LRP1B: variants seen among roughly 807,000 people sequenced by gnomAD.
LRP1B encodes the protein LDL receptor related protein 1B, also known as low-density lipoprotein receptor-related protein 1B.
LRP1B carries 217 observed loss-of-function variants against 556.6 expected under a neutral mutation model. The ratio of observed to expected loss-of-function variants is 0.39; its 90% confidence interval spans 0.35 to 0.44. The LOEUF is 0.44. Among genes scored for constraint, LRP1B ranks in the 20% least tolerant of loss-of-function variants. The pLI is 1.00. For synonymous variants in LRP1B, 2,047 were observed against 1,865.8 expected, an observed-to-expected ratio of 1.10 and a Z score of -2.50; for missense variants, 5,053 against 5,620.8, an observed-to-expected ratio of 0.90 and a Z score of 3.23.
chr2:140,581,430 C>T (rs930045918), intron 43 of LRP1B, among the ~76,000 whole-genome samples: 1 of 152,192 alleles, frequency 6.6e-6, no homozygotes, highest in South Asian at 2.1e-4. Flanking sequence ...TATTGCTTCC[C>T]GGGATCGCAT....
intron 3 of LRP1B, among the ~76,000 whole-genome samples, chr2:141,278,548 G>A (rs1330333471): frequency 6.6e-6 from 1 of 152,170 alleles, no homozygotes; most frequent in African/African-American, 2.4e-5. Flanking sequence ...AATTTCCTAA[G>A]GCTATAATCC....
intron 2 of LRP1B, among the ~76,000 whole-genome samples, chr2:141,572,377 A>G (rs1574091811): frequency 6.6e-6 from 1 of 152,264 alleles, no homozygotes; most frequent in Non-Finnish European, 1.5e-5. Flanking sequence ...GACAAACAAA[A>G]GCTGAGGGAT....
rs35791983 is a variant in LRP1B at position 140,858,501 on chromosome 2, G to GGAGAGAGAGAGA, written c.4580-6730_4580-6719dup. Among the ~76,000 whole-genome samples, 691 of 139,910 alleles carry GGAGAGAGAGAGA rather than the reference G, an allele frequency of 4.9e-3. 2 individuals are homozygous for GGAGAGAGAGAGA. Among genetic ancestry groups the GGAGAGAGAGAGA allele is most frequent in the East Asian group, 8.5e-3 (41 of 4,842 alleles). The allele number at this position is 139,910 out of a possible 152,430, so 91.8% of individuals were successfully genotyped here. On this transcript the variant is annotated intron_variant, in intron 27 of 90. Transcript: ENST00000389484. ...TATATAATATATATTTTATATATATGGAGAGAGAGAGAGAGAGAGAGAGAG... is the reference window on the plus strand; with the variant it reads ...TATATAATATATATTTTATATATATGGAGAGAGAGAGAGAGAGAGAGAGAGAGAGAGAGAGAG...
intron 14 of LRP1B, 47 bp downstream of exon 14, chr2:141,013,509 A>G (rs1697814798): frequency 1.4e-6 from 2 of 1,420,016 alleles, no homozygotes; most frequent in Admixed American, 2.2e-5. Context: ...TCTGTGAAGT[A>G]TTATTATATG....
chr2:141,945,973 T>C (rs1213775582), intron 1 of LRP1B, among the ~76,000 whole-genome samples: 1 of 151,876 alleles, frequency 6.6e-6, no homozygotes, highest in Non-Finnish European at 1.5e-5. Context: ...TATTTTTATC[T>C]AATTATTGTT....
At chr2:141,723,620 G>A (rs1204728562) in intron 2 of LRP1B, among the ~76,000 whole-genome samples, 3 of 151,526 alleles carry the variant, frequency 2.0e-5, no homozygotes, top group African/African-American at 7.3e-5. Flanking sequence ...TTATATTAAG[G>A]GTGACCTTGC....
At chr2:142,063,138 GTAT>G (rs1284384645) in intron 1 of LRP1B, among the ~76,000 whole-genome samples, 1 of 149,228 alleles carries the variant, frequency 6.7e-6, no homozygotes, top group Non-Finnish European at 1.5e-5. Context: ...GAGTTTATTT[GTAT>G]TATTATTATC....
At chr2:141,119,928 T>C (rs558193844) in intron 7 of LRP1B, among the ~76,000 whole-genome samples, 1 of 151,936 alleles carries the variant, frequency 6.6e-6, no homozygotes, top group Non-Finnish European at 1.5e-5. Flanking sequence ...AATAATCATA[T>C]GTTGTATTCT....
intron 43 of LRP1B, among the ~76,000 whole-genome samples, chr2:140,560,132 A>G (rs1404506357): frequency 6.6e-6 from 1 of 152,136 alleles, no homozygotes; most frequent in African/African-American, 2.4e-5. Flanking sequence ...ACCAGAATTT[A>G]ATCATGAGAC....
chr2:141,586,941 C>CAAAAA (rs769891211), intron 2 of LRP1B, among the ~76,000 whole-genome samples: 2,172 of 71,094 alleles, frequency 0.031, 60 homozygotes, highest in South Asian at 0.04. Flanking sequence ...GACTCCATCT[C>CAAAAA]AAAAAAAAAA....
chr2:141,877,358 C>T (rs1224200308), intron 1 of LRP1B, among the ~76,000 whole-genome samples: 1 of 151,892 alleles, frequency 6.6e-6, no homozygotes, highest in Non-Finnish European at 1.5e-5. Context: ...TTTCATTTCC[C>T]AACCATGACT....
At chr2:141,186,913 A>C (rs1165471021) in intron 7 of LRP1B, among the ~76,000 whole-genome samples, 1 of 152,026 alleles carries the variant, frequency 6.6e-6, no homozygotes, top group African/African-American at 2.4e-5. Flanking sequence ...GGATAAGAGC[A>C]GTAGAAAAAG....
chr2:140,359,550 C>T (rs779176505), intron 72 of LRP1B, among the ~76,000 whole-genome samples: 1 of 151,632 alleles, frequency 6.6e-6, no homozygotes, highest in Admixed American at 6.6e-5. Context: ...GTCTCCTTAT[C>T]ACTATCTAAT....
intron 21 of LRP1B, among the ~76,000 whole-genome samples, chr2:140,922,547 A>G (rs1694768327): frequency 6.6e-6 from 1 of 152,022 alleles, no homozygotes; most frequent in Admixed American, 6.6e-5. Context: ...GTGAGGCCTT[A>G]TCTACGGAAA....
chr2:140,510,109 T>C (rs1378600995), intron 51 of LRP1B, 53 bp from the exon 52 acceptor site: 1 of 1,584,430 alleles, frequency 6.3e-7, no homozygotes, highest in African/African-American at 1.3e-5. Context: ...CACTGGAAAA[T>C]GTCTACCATT....
intron 18 of LRP1B, among the ~76,000 whole-genome samples, chr2:140,965,502 T>C (rs1322356032): frequency 6.6e-6 from 1 of 152,090 alleles, no homozygotes; most frequent in Non-Finnish European, 1.5e-5. Context: ...TATCTATACA[T>C]GTAAATAATA....
chr2:140,333,325 G>A (rs952058015), intron 79 of LRP1B, among the ~76,000 whole-genome samples: 3 of 151,950 alleles, frequency 2.0e-5, no homozygotes, highest in African/African-American at 7.2e-5. Context: ...GTATAACAAT[G>A]TGACAGTATA....
At chr2:141,933,741 T>G (rs1445063614) in intron 1 of LRP1B, among the ~76,000 whole-genome samples, 1 of 152,096 alleles carries the variant, frequency 6.6e-6, no homozygotes, top group African/African-American at 2.4e-5. Context: ...AAGTAAAAAC[T>G]CAAGCTAACA....
At chr2:141,992,966 G>A (rs1216298714) in intron 1 of LRP1B, among the ~76,000 whole-genome samples, 2 of 152,096 alleles carry the variant, frequency 1.3e-5, no homozygotes, top group Admixed American at 1.3e-4. Flanking sequence ...ATTGCTGGGT[G>A]GCTGAATTTT....
Sources: gnomAD v4.1 joint callset for allele counts (sites outside exome capture counted in the v4.1 genomes callset) on GRCh38, gnomAD v4.1.1 for gene constraint, MANE v1.5 for transcripts, NCBI Gene and HGNC (gene_info 2026-07-23, HGNC 2026-07-21) for gene names.